DMD: variants seen among roughly 807,000 people sequenced by gnomAD.
The protein encoded by DMD is mutant dystrophin.
DMD carries 63 observed loss-of-function variants against 330.1 expected under a neutral mutation model. The observed-to-expected ratio is 0.19, with a 90% CI of 0.16 to 0.24. DMD has a LOEUF of 0.24. DMD is among the 10% of genes least tolerant of loss of function. The probability of loss-of-function intolerance (pLI) is 1.00; values close to 1 mark genes in which losing one functional copy is unlikely to be tolerated. For missense variants in DMD, 3,344 were observed against 2,684.1 expected (o/e 1.25, Z -5.43); for synonymous variants, 1,223 against 959.8 (o/e 1.27, Z -5.07).
chrX:31,383,430 A>G (rs868847829), intron 60 of DMD, among the ~76,000 whole-genome samples: 5 of 112,183 alleles, frequency 4.5e-5, no homozygotes, highest in Admixed American at 1.9e-4. Context: ...CTTGGTATGT[A>G]GTAGTTAGTA....
chrX:32,455,586 A>G (rs1239998703), intron 25 of DMD, among the ~76,000 whole-genome samples: 1 of 111,286 alleles, frequency 9.0e-6, no homozygotes, highest in African/African-American at 3.2e-5. Context: ...ATCTGAGTCA[A>G]CTGCTCCATT....
intron 44 of DMD, among the ~76,000 whole-genome samples, chrX:32,117,949 G>C (rs1049953764): frequency 9.0e-6 from 1 of 110,808 alleles, no homozygotes; most frequent in East Asian, 2.8e-4. Flanking sequence ...TGGAGCAACT[G>C]AGAAGACTAT....
chrX:32,898,142 C>A (rs1455076418), intron 2 of DMD, among the ~76,000 whole-genome samples: 2 of 111,786 alleles, frequency 1.8e-5, no homozygotes, highest in African/African-American at 6.5e-5. Context: ...GAGATATGCT[C>A]CCTTCCCTTA....
intron 52 of DMD, among the ~76,000 whole-genome samples, chrX:31,706,515 C>A: frequency 9.1e-6 from 1 of 110,073 alleles, no homozygotes; most frequent in African/African-American, 3.3e-5. Flanking sequence ...TCCACAAAAA[C>A]CACTCCTCTC....
chrX:32,189,677 G>A (rs1802529828), intron 44 of DMD, among the ~76,000 whole-genome samples: 1 of 109,557 alleles, frequency 9.1e-6, no homozygotes, highest in Non-Finnish European at 1.9e-5. Flanking sequence ...AAAGTTATTA[G>A]GAAGTACATG....
At chrX:33,233,600 T>C in intron 1 of DMD, among the ~76,000 whole-genome samples, 1 of 112,318 alleles carries the variant, frequency 8.9e-6, no homozygotes, top group Non-Finnish European at 1.9e-5. Flanking sequence ...AATGACAAAA[T>C]TATAGACATG....
At chrX:33,095,888 AC>A (rs1294303543) in intron 1 of DMD, among the ~76,000 whole-genome samples, 1 of 110,253 alleles carries the variant, frequency 9.1e-6, no homozygotes. Flanking sequence ...TCTAATATAA[AC>A]CTGTAAGCTA....
intron 1 of DMD, among the ~76,000 whole-genome samples, chrX:33,110,202 G>A (rs1048970046): frequency 9.0e-6 from 1 of 110,519 alleles, no homozygotes; most frequent in Non-Finnish European, 1.9e-5. Flanking sequence ...CACAGCATAT[G>A]GTACAAGCCT....
intron 13 of DMD, among the ~76,000 whole-genome samples, chrX:32,584,191 C>A (rs2053971615): frequency 9.0e-6 from 1 of 111,163 alleles, no homozygotes; most frequent in African/African-American, 3.3e-5. Flanking sequence ...AGTATTCCGC[C>A]TCACTGGTCA....
chrX:33,050,745 C>T (rs1380797944), intron 1 of DMD, among the ~76,000 whole-genome samples: 6 of 111,785 alleles, frequency 5.4e-5, no homozygotes, highest in Admixed American at 4.8e-4. Flanking sequence ...AAAAACAAGA[C>T]ACAGCTATAA....
At chrX:31,669,036 T>C (rs1366489537) in intron 53 of DMD, among the ~76,000 whole-genome samples, 1 of 112,439 alleles carries the variant, frequency 8.9e-6, no homozygotes, top group Non-Finnish European at 1.9e-5. Context: ...TGATTCCATA[T>C]CATGGCTTTT....
chrX:33,079,787 C>T (rs751793074), intron 1 of DMD, among the ~76,000 whole-genome samples: 1 of 111,423 alleles, frequency 9.0e-6, no homozygotes, highest in Non-Finnish European at 1.9e-5. Context: ...TTGACCAAAA[C>T]GATAACTCCA....
At chrX:31,325,593 G>T (rs1229488678) in intron 61 of DMD, among the ~76,000 whole-genome samples, 5 of 110,979 alleles carry the variant, frequency 4.5e-5, no homozygotes, top group African/African-American at 1.6e-4. Context: ...CAGCCTGGGC[G>T]ACAAGAGCAA....
chrX:32,936,429 C>T (rs891157544), intron 2 of DMD, among the ~76,000 whole-genome samples: 1 of 111,702 alleles, frequency 9.0e-6, no homozygotes, highest in Non-Finnish European at 1.9e-5. Context: ...ATCTCTTAAT[C>T]CCATCATAAA....
intron 7 of DMD, among the ~76,000 whole-genome samples, chrX:32,748,841 G>A (rs1326085943): frequency 8.9e-6 from 1 of 112,402 alleles, no homozygotes. Context: ...GAACCAGGCA[G>A]CAAGTCACTT....
intron 17 of DMD, among the ~76,000 whole-genome samples, chrX:32,541,141 C>T (rs946983311): frequency 1.8e-5 from 2 of 111,489 alleles, no homozygotes; most frequent in Non-Finnish European, 3.8e-5. Flanking sequence ...CTAGAGATGT[C>T]AGGTGGTAAA....
At chrX:32,607,006 G>C (rs1161914713) in intron 12 of DMD, among the ~76,000 whole-genome samples, 2 of 109,244 alleles carry the variant, frequency 1.8e-5, no homozygotes, top group East Asian at 5.7e-4. Flanking sequence ...GCTGGTAGGG[G>C]GGTGAGGGGT....
rs2097994848 is a variant in DMD at position 32,390,599 on chromosome X, G to A, written c.4234-418C>T. On this transcript the variant is annotated intron_variant, in intron 30 of 78. Coordinates refer to ENST00000357033, the MANE Select transcript of DMD (RefSeq NM_004006.3). ...CGGACCAAAGACATGATGTTAATCT[G>A]TAAGATTCAGCCAACTGTGACAGGG... Among the ~76,000 whole-genome samples the A allele has an allele frequency of 4.5e-5, 5 of 111,968 alleles. No homozygotes were observed. The Admixed American group carries it at 4.8e-4, about 11-fold the overall frequency.
At chrX:31,840,812 T>C (rs1454254525) in intron 48 of DMD, among the ~76,000 whole-genome samples, 1 of 110,762 alleles carries the variant, frequency 9.0e-6, no homozygotes, top group African/African-American at 3.3e-5. Context: ...AATCCATTAA[T>C]GTATGTATTC....
Sources: gnomAD v4.1 joint callset for allele counts (sites outside exome capture counted in the v4.1 genomes callset) on GRCh38, gnomAD v4.1.1 for gene constraint, MANE v1.5 for transcripts, NCBI Gene and HGNC (gene_info 2026-07-23, HGNC 2026-07-21) for gene names.